KSR1: variants seen among roughly 807,000 people sequenced by gnomAD.
KSR1 encodes kinase suppressor of ras.
Under a neutral mutation model 92.9 loss-of-function variants are expected in KSR1, and 35 were observed. The ratio of observed to expected loss-of-function variants is 0.38; its 90% CI spans 0.29 to 0.50. The LOEUF is 0.50. Among genes scored for constraint, KSR1 ranks in the 20% least tolerant of loss-of-function variants. The pLI is 0.94. For missense variants in KSR1, 972 were observed against 1,158.5 expected (o/e 0.84, Z 2.34); for synonymous variants, 467 against 472.6 (o/e 0.99, Z 0.15).
Position 27,607,929 on chromosome 17 carries a change from G to C in KSR1, c.2010G>C (p.Arg670=), listed in dbSNP as rs1196939497. ...CCCTCGACAGCTTCTGCAAGGGGCG[G>C]ACGTTGCACTCGTTTGTGAGGGACC... The part of the protein sequence containing the change: ...LAIITSFCKG[R]TLHSFVRDPK... The change falls in exon 15 of 21, where the codon CGG becomes CGC. Residue 670 remains arginine (R), a synonymous_variant. Coordinates refer to ENST00000644974, the MANE Select transcript of KSR1 (RefSeq NM_001394583.1). 1 of 1,608,398 alleles carries C rather than the reference G, an allele frequency of 6.2e-7. No homozygotes were observed. The highest frequency in any genetic ancestry group is 8.5e-7 in the Non-Finnish European group (1 of 1,177,524).
rs770477764 is a variant in KSR1 at position 27,577,686 on chromosome 17, G to T, written c.520+47G>T. Reference sequence around the variant, plus strand: ...CTCCCTTGCCTGGCCTGGTGCCCTTGGGGCTGTGGCCTTCACTATGGTGGG... The same window carrying T: ...CTCCCTTGCCTGGCCTGGTGCCCTTTGGGCTGTGGCCTTCACTATGGTGGG... On this transcript the variant is annotated intron_variant, in intron 3 of 20. Transcript: ENST00000644974. The surrounding 1 kb of genome is among the most constrained non-coding windows in gnomAD (Gnocchi z 4.5). 1 of 1,451,900 alleles carries T rather than the reference G, an allele frequency of 6.9e-7. No homozygotes were observed. The highest frequency in any genetic ancestry group is 9.3e-7 in the Non-Finnish European group (1 of 1,069,800). The allele number at this position is 1,451,900 out of a possible 1,614,324, so 89.9% of individuals were successfully genotyped here.
At chr17:27,603,158 G>T (rs1598126919) in intron 11 of KSR1, among the ~76,000 whole-genome samples, 1 of 152,230 alleles carries the variant, frequency 6.6e-6, no homozygotes, top group Non-Finnish European at 1.5e-5. Context: ...CTGGACGTGG[G>T]ACTTTTAGCG....
intron 1 of KSR1, among the ~76,000 whole-genome samples, chr17:27,467,842 G>A (rs536742411): frequency 2.7e-5 from 4 of 146,014 alleles, no homozygotes; most frequent in East Asian, 4.1e-4. Context: ...ACGGAGTCTC[G>A]CTCTGTCCCC....
intron 1 of KSR1, among the ~76,000 whole-genome samples, chr17:27,527,684 G>T (rs1173410237): frequency 6.6e-6 from 1 of 152,078 alleles, no homozygotes; most frequent in Non-Finnish European, 1.5e-5. Flanking sequence ...CGTGAGCCAT[G>T]CCCGGCCTGA....
intron 1 of KSR1, among the ~76,000 whole-genome samples, chr17:27,533,964 C>CGT (rs60306092): frequency 1.3e-5 from 2 of 151,622 alleles, no homozygotes; most frequent in African/African-American, 2.4e-5. Context: ...CGTGTGCGCA[C>CGT]GTGTGTGTGT....
intron 5 of KSR1, 84 bp from the exon 6 acceptor site, chr17:27,588,391 G>A: frequency 8.1e-7 from 1 of 1,233,724 alleles, no homozygotes; most frequent in Non-Finnish European, 1.1e-6. Flanking sequence ...CCTCTAGCCT[G>A]TGGTCTCTGA....
chr17:27,475,412 C>T (rs371466640), intron 1 of KSR1, among the ~76,000 whole-genome samples: 1 of 152,204 alleles, frequency 6.6e-6, no homozygotes, highest in Non-Finnish European at 1.5e-5. Flanking sequence ...GGGGCTGGCA[C>T]ACTAACCTAC....
chr17:27,532,157 A>G (rs2070564767), intron 1 of KSR1, among the ~76,000 whole-genome samples: 1 of 152,212 alleles, frequency 6.6e-6, no homozygotes, highest in African/African-American at 2.4e-5. Flanking sequence ...TTGTAATTTA[A>G]AGGCATTTCA....
chr17:27,576,059 G>A (rs1016164051), intron 2 of KSR1, among the ~76,000 whole-genome samples: 1 of 152,174 alleles, frequency 6.6e-6, no homozygotes, highest in Admixed American at 6.5e-5. Flanking sequence ...ATGGCTGTCA[G>A]CCAGGGGCTA....
chr17:27,621,905 G>A, intron 20 of KSR1: 1 of 1,613,400 alleles, frequency 6.2e-7, no homozygotes, highest in Non-Finnish European at 8.5e-7. Context: ...GCTGTTCTTT[G>A]CTTTCTTCTC....
intron 1 of KSR1, among the ~76,000 whole-genome samples, chr17:27,460,671 T>C (rs2019392164): frequency 6.6e-6 from 1 of 152,182 alleles, no homozygotes; most frequent in Admixed American, 6.5e-5. Context: ...CAGAGAGGCC[T>C]GGCCCTCACA....
chr17:27,575,880 C>T (rs142451615), intron 2 of KSR1, among the ~76,000 whole-genome samples: 197 of 152,374 alleles, frequency 1.3e-3, no homozygotes, highest in African/African-American at 4.5e-3. Flanking sequence ...GGAATCCACT[C>T]AGGCTCTGCT....
intron 10 of KSR1, 49 bp downstream of exon 10, chr17:27,597,485 C>T: frequency 6.5e-7 from 1 of 1,532,170 alleles, no homozygotes; most frequent in Non-Finnish European, 8.8e-7. Flanking sequence ...CAGTCAGATC[C>T]CCTTCTCAGC....
chr17:27,512,954 A>G (rs2069655905), intron 1 of KSR1, among the ~76,000 whole-genome samples: 1 of 152,060 alleles, frequency 6.6e-6, no homozygotes, highest in African/African-American at 2.4e-5. Context: ...CCTGATCATG[A>G]CCTCTTCTCT....
intron 20 of KSR1, 35 bp from the exon 21 acceptor site, chr17:27,623,279 G>T: frequency 1.3e-6 from 1 of 755,300 alleles, no homozygotes; most frequent in East Asian, 2.4e-5. Flanking sequence ...GAAGATCAAT[G>T]GGGCTATAAT....
At position 27,501,292 on chromosome 17, in the gene KSR1, C is replaced by CTTTTTTTTTTTTTTTTTTTTTTTTTTT; in HGVS notation, c.231+44443_231+44444insTTTTTTTTTTTTTTTTTTTTTTTTTTT. 5.2e-4 allele frequency among the ~76,000 whole-genome samples: 26 copies of CTTTTTTTTTTTTTTTTTTTTTTTTTTT among 49,704 alleles called. 1 individual carries two copies. The highest frequency in any genetic ancestry group is 8.7e-4 in the East Asian group (1 of 1,154). 32.6% of individuals were successfully genotyped at this position (49,704 alleles called of 152,430 possible). A position where few individuals can be genotyped will look rare whatever the true frequency, so the allele number is the denominator to read the frequency against. On this transcript the variant is annotated intron_variant, in intron 1 of 20. Coordinates refer to ENST00000644974, the MANE Select transcript of KSR1 (RefSeq NM_001394583.1). The stretch of plus-strand genomic sequence containing the variant: ...TTTTTTTTTTTTAATTTCTTTTCTT[C>CTTTTTTTTTTTTTTTTTTTTTTTTTTT]TTTTTTTTTTTTTTTTTTTTTTTTT...
intron 2 of KSR1, chr17:27,560,177 G>T (rs2945396): frequency 0.57 from 173,478 of 304,202 alleles, 50,263 homozygotes; most frequent in Admixed American, 0.69. Flanking sequence ...TGTTTCAAGC[G>T]GCCCCCTGTC....
rs2074324891 is a variant in KSR1, at chr17:27,625,629, G to A, written c.*2237G>A. The A allele has an allele frequency of 6.6e-6, 1 of 151,200 alleles. No individual in the cohort carries two copies. The highest frequency in any genetic ancestry group is 1.5e-5 in the Non-Finnish European group (1 of 67,884). 9.4% of individuals were successfully genotyped at this position (151,200 alleles called of 1,614,324 possible). On this transcript the variant is annotated 3_prime_UTR_variant, in exon 21 of 21. Transcript: ENST00000644974. ...ACCCCACCCCATGATGGCCCCCTCTGTTCCCCTTGTATTTCAGTGACTGTG... is the reference window on the plus strand; with the variant it reads ...ACCCCACCCCATGATGGCCCCCTCTATTCCCCTTGTATTTCAGTGACTGTG...
intron 1 of KSR1, among the ~76,000 whole-genome samples, chr17:27,496,937 A>G (rs2069008431): frequency 6.6e-6 from 1 of 152,232 alleles, no homozygotes; most frequent in South Asian, 2.1e-4. Context: ...TTCAGCTTTC[A>G]TCAATTGCAC....
Sources: allele counts gnomAD v4.1 joint callset (sites outside exome capture counted in the v4.1 genomes callset), GRCh38; gene constraint gnomAD v4.1.1; non-coding constraint Gnocchi (gnomAD v3.1); transcripts MANE v1.5; gene names NCBI Gene and HGNC (gene_info 2026-07-23, HGNC 2026-07-21).